Variants in PDE4D observed in about 807,000 individuals in gnomAD.
The protein encoded by PDE4D is 3',5'-cyclic-AMP phosphodiesterase 4D.
A neutral mutation model predicts 87.4 loss-of-function variants in PDE4D; 24 were observed. The ratio of observed to expected loss-of-function variants is 0.27; its 90% CI spans 0.20 to 0.39. The LOEUF is 0.39. PDE4D is among the 10% of genes least tolerant of loss of function. PDE4D has a pLI of 1.00. For synonymous variants in PDE4D, 384 were observed against 383.2 expected (o/e 1.00, Z -0.02); for missense variants, 714 against 1,041.0 (o/e 0.69, Z 4.32).
At chr5:59,107,960 G>A (rs1771913535) in intron 5 of PDE4D, among the ~76,000 whole-genome samples, 1 of 152,184 alleles carries the variant, frequency 6.6e-6, no homozygotes. Flanking sequence ...AAGAAAGAAA[G>A]AAAGCAGGTC....
At chr5:59,035,796 C>T (rs534126753) in intron 6 of PDE4D, among the ~76,000 whole-genome samples, 13 of 152,180 alleles carry the variant, frequency 8.5e-5, no homozygotes, top group Non-Finnish European at 1.9e-4. Context: ...AAATTACCCT[C>T]AATTGTAGCA....
chr5:59,996,768 A>T (rs1763562771), intron 2 of PDE4D, among the ~76,000 whole-genome samples: 1 of 152,206 alleles, frequency 6.6e-6, no homozygotes, highest in South Asian at 2.1e-4. Context: ...TAACACAATC[A>T]ATTTTCAAAT....
At chr5:59,616,799 C>A (rs927032156) in intron 1 of PDE4D, among the ~76,000 whole-genome samples, 5 of 150,822 alleles carry the variant, frequency 3.3e-5, no homozygotes, top group Non-Finnish European at 7.4e-5. Flanking sequence ...CTATTCTATG[C>A]ATTTCAAGAG....
chr5:59,311,513 A>C (rs1393844184), intron 1 of PDE4D, among the ~76,000 whole-genome samples: 3 of 150,188 alleles, frequency 2.0e-5, no homozygotes, highest in African/African-American at 4.9e-5. Context: ...AAAAAAAAAA[A>C]AAAAAAAAAA....
intron 1 of PDE4D, among the ~76,000 whole-genome samples, chr5:60,476,444 C>T (rs1207843802): frequency 6.6e-6 from 1 of 152,174 alleles, no homozygotes; most frequent in Non-Finnish European, 1.5e-5. Flanking sequence ...CTGTCATAGC[C>T]TCCCAACTTC....
chr5:60,442,205 G>C (rs1173835748), intron 1 of PDE4D, among the ~76,000 whole-genome samples: 2 of 152,146 alleles, frequency 1.3e-5, no homozygotes, highest in Non-Finnish European at 1.5e-5. Flanking sequence ...GCCCATCAAT[G>C]ATAGACTGGA....
At chr5:59,635,125 C>G (rs1832070884) in intron 1 of PDE4D, among the ~76,000 whole-genome samples, 1 of 152,134 alleles carries the variant, frequency 6.6e-6, no homozygotes, top group Non-Finnish European at 1.5e-5. Flanking sequence ...CACAAATAAA[C>G]TAGAAAATCT....
chr5:59,884,121 C>T (rs953723434), intron 1 of PDE4D, among the ~76,000 whole-genome samples: 2 of 151,986 alleles, frequency 1.3e-5, no homozygotes, highest in African/African-American at 4.8e-5. Flanking sequence ...AATATCCTCT[C>T]TTCACACACC....
rs544860374 is a variant in PDE4D at position 60,062,555 on chromosome 5, C to T, written c.43-73838G>A. Among the ~76,000 whole-genome samples the T allele has an allele frequency of 9.2e-5, 14 of 152,184 alleles. No individual in the cohort carries two copies. In the East Asian group the frequency reaches 1.9e-3, roughly 21 times the overall value. On this transcript the variant is annotated intron_variant, in intron 2 of 16. Coordinates refer to the PDE4D transcript ENST00000502484. ...AGAAATACCATTTGACCCAGCAATC[C>T]CATTACTGGATAAATACCTAGAGGA...
At chr5:59,794,217 C>G (rs1766191218) in intron 1 of PDE4D, among the ~76,000 whole-genome samples, 1 of 151,906 alleles carries the variant, frequency 6.6e-6, no homozygotes, top group Non-Finnish European at 1.5e-5. Flanking sequence ...ATTCAACAAG[C>G]CCTGCAGTTG....
At chr5:59,985,305 AT>A (rs972993875) in intron 3 of PDE4D, among the ~76,000 whole-genome samples, 3 of 149,992 alleles carry the variant, frequency 2.0e-5, no homozygotes, top group Non-Finnish European at 3.0e-5. Context: ...AGCCCGGCTA[AT>A]TTTTTTTTGT....
intron 2 of PDE4D, among the ~76,000 whole-genome samples, chr5:60,045,451 G>C (rs542567388): frequency 6.6e-4 from 101 of 152,276 alleles, no homozygotes; most frequent in African/African-American, 2.4e-3. Context: ...CCTATGTCCT[G>C]AATGGTAAAG....
At chr5:60,153,462 A>G (rs187204363) in intron 2 of PDE4D, among the ~76,000 whole-genome samples, 141 of 152,334 alleles carry the variant, frequency 9.3e-4, no homozygotes, top group African/African-American at 3.4e-3. Context: ...AACTGTATGA[A>G]GCTTCCTCAA....
intron 1 of PDE4D, among the ~76,000 whole-genome samples, chr5:59,581,802 C>T (rs1824209672): frequency 6.6e-6 from 1 of 152,080 alleles, no homozygotes; most frequent in African/African-American, 2.4e-5. Context: ...GGGCATACAG[C>T]TGATGGCAAC....
intron 2 of PDE4D, among the ~76,000 whole-genome samples, chr5:60,035,198 G>T (rs1767657225): frequency 6.6e-6 from 1 of 151,436 alleles, no homozygotes; most frequent in Admixed American, 6.6e-5. Flanking sequence ...GGAGGTGGCA[G>T]TGAGTTGAAA....
chr5:59,824,920 T>C (rs535961211), intron 1 of PDE4D, among the ~76,000 whole-genome samples: 1 of 152,340 alleles, frequency 6.6e-6, no homozygotes, highest in African/African-American at 2.4e-5. Flanking sequence ...ACCTGTTTTC[T>C]TAAAATAGAG....
intron 2 of PDE4D, among the ~76,000 whole-genome samples, chr5:59,993,086 C>T (rs1484693074): frequency 2.0e-5 from 3 of 152,112 alleles, no homozygotes; most frequent in East Asian, 3.9e-4. Context: ...TTTCTAATGT[C>T]TCCAAGTCAT....
intron 1 of PDE4D, among the ~76,000 whole-genome samples, chr5:59,333,264 T>C (rs1777060461): frequency 6.6e-6 from 1 of 152,122 alleles, no homozygotes. Context: ...ATCTCTGTTA[T>C]CTTCTTTTTT....
At chr5:60,483,310 T>G (rs1247216489) in intron 1 of PDE4D, among the ~76,000 whole-genome samples, 1 of 152,194 alleles carries the variant, frequency 6.6e-6, no homozygotes, top group Non-Finnish European at 1.5e-5. Context: ...ACCACAGATG[T>G]GAGCCACCAC....
Sources: gnomAD v4.1 joint callset for allele counts (sites outside exome capture counted in the v4.1 genomes callset) on GRCh38, gnomAD v4.1.1 for gene constraint, MANE v1.5 for transcripts, NCBI Gene and HGNC (gene_info 2026-07-23, HGNC 2026-07-21) for gene names.